IGDCC3: variants seen among roughly 807,000 people sequenced by gnomAD.
The protein encoded by IGDCC3 is putative neuronal cell adhesion molecule.
IGDCC3 carries 47 observed loss-of-function variants against 72.0 expected under a neutral mutation model. The observed-to-expected ratio is 0.65, with a 90% CI of 0.52 to 0.83. IGDCC3 has a LOEUF of 0.83. IGDCC3 is among the 40% of genes least tolerant of loss of function. The probability of loss-of-function intolerance (pLI) is 0.00; values close to 1 mark genes in which losing one functional copy is unlikely to be tolerated. For synonymous variants in IGDCC3, 477 were observed against 472.8 expected (o/e 1.01, Z -0.11); for missense variants, 1,038 against 1,091.3 (o/e 0.95, Z 0.69).
intron 2 of IGDCC3, among the ~76,000 whole-genome samples, chr15:65,374,325 A>G (rs914990767): frequency 1.3e-5 from 2 of 152,162 alleles, no homozygotes; most frequent in Admixed American, 6.5e-5. Context: ...GGATACATGG[A>G]GAATTTTGGT....
intron 2 of IGDCC3, among the ~76,000 whole-genome samples, chr15:65,368,049 C>T (rs1595765241): frequency 6.6e-6 from 1 of 152,138 alleles, no homozygotes; most frequent in Admixed American, 6.6e-5. Flanking sequence ...ACAAAGACAG[C>T]AGTGAGCTGT....
chr15:65,370,506 C>G (rs1567072850), intron 2 of IGDCC3, among the ~76,000 whole-genome samples: 1 of 33,096 alleles, frequency 3.0e-5, no homozygotes. Context: ...GACTTGGTCT[C>G]AAAAAAAAAA....
chr15:65,343,178 C>T (rs1326606084), intron 2 of IGDCC3, among the ~76,000 whole-genome samples: 1 of 152,142 alleles, frequency 6.6e-6, no homozygotes, highest in African/African-American at 2.4e-5. Context: ...TGGCAGAGAG[C>T]AAATACTTGC....
In IGDCC3 at chr15:65,377,859, G is replaced by T; in HGVS notation, c.-71C>A. On this transcript the variant is annotated 5_prime_UTR_variant, in exon 1 of 14. Coordinates refer to ENST00000327987, the MANE Select transcript of IGDCC3 (RefSeq NM_004884.4). The surrounding 1 kb of genome is among the most constrained non-coding windows in gnomAD (Gnocchi z 4.9). ...TCTCGCGGCTCACAGCGTCCCGCGGGGCCGGCGCCGGGGCCGGGGCTGGGG... is the reference window on the plus strand; with the variant it reads ...TCTCGCGGCTCACAGCGTCCCGCGGTGCCGGCGCCGGGGCCGGGGCTGGGG... The T allele has an allele frequency of 9.3e-7, 1 of 1,075,238 alleles. No individual in the cohort carries two copies. The highest frequency in any genetic ancestry group is 1.1e-6 in the Non-Finnish European group (1 of 889,382). The allele number at this position is 1,075,238 out of a possible 1,614,324, so 66.6% of individuals were successfully genotyped here.
At chr15:65,342,336 A>T (rs2091089296) in intron 2 of IGDCC3, among the ~76,000 whole-genome samples, 2 of 151,814 alleles carry the variant, frequency 1.3e-5, no homozygotes, top group Non-Finnish European at 2.9e-5. Context: ...GGGTGAGCCG[A>T]GATCACGCCA....
At chr15:65,343,190 A>C (rs1366333234) in intron 2 of IGDCC3, among the ~76,000 whole-genome samples, 1 of 152,204 alleles carries the variant, frequency 6.6e-6, no homozygotes, top group Non-Finnish European at 1.5e-5. Flanking sequence ...AATACTTGCT[A>C]TCTGTTCTTG....
rs1190304916 is a variant in IGDCC3 at position 65,335,387 on chromosome 15, T to C, written c.589A>G (p.Thr197Ala). 1 of 1,613,564 alleles carries C rather than the reference T, an allele frequency of 6.2e-7. No individual in the cohort carries two copies. Among genetic ancestry groups the C allele is most frequent in the Admixed American group, 1.7e-5 (1 of 59,964 alleles). Residue 197 changes from threonine to alanine, a missense_variant, in exon 4 of 14, where the codon ACA becomes GCA. By Grantham distance (58) the Thr-to-Ala change is moderately conservative. Coordinates refer to ENST00000327987, the MANE Select transcript of IGDCC3 (RefSeq NM_004884.4). ...TLLPKGVLQI[T>A]GLRAEDGGIF... Reference sequence around the variant, plus strand: ...CCACCGTCCTCAGCTCGAAGTCCTGTGATCTGCAGGACCCCCTTGGGCAGC... The same window carrying C: ...CCACCGTCCTCAGCTCGAAGTCCTGCGATCTGCAGGACCCCCTTGGGCAGC...
chr15:65,331,523 T>C lies in IGDCC3; in HGVS notation c.1285A>G (p.Asn429Asp), dbSNP rs142175528. The change falls in exon 8 of 14, where the codon AAT (asparagine) becomes GAT (aspartate). Residue 429 changes from asparagine to aspartate, a missense_variant. Coordinates refer to ENST00000327987, the MANE Select transcript of IGDCC3 (RefSeq NM_004884.4). ...GAAGACACAGAGACTGCCCGCACATTGCGGGGAGGCCCGGGGAGCCCCTCA... is the reference window on the plus strand; with the variant it reads ...GAAGACACAGAGACTGCCCGCACATCGCGGGGAGGCCCGGGGAGCCCCTCA... The part of the protein sequence containing the change: ...WAEGLPGPPR[N>D]VRAVSVSSTE... 14 of 1,613,728 alleles carry C rather than the reference T, an allele frequency of 8.7e-6. No homozygotes were observed. Among genetic ancestry groups the C allele is most frequent in the Admixed American group, 5.0e-5 (3 of 60,014 alleles).
intron 1 of IGDCC3, among the ~76,000 whole-genome samples, chr15:65,375,826 G>A (rs1340399981): frequency 6.6e-6 from 1 of 152,142 alleles, no homozygotes; most frequent in Admixed American, 6.5e-5. Flanking sequence ...GTGACCTTAG[G>A]TAAAGTATTC....
chr15:65,328,545 C>T lies in IGDCC3; in HGVS notation c.*364G>A, dbSNP rs538742285. 20 of 179,768 alleles carry T rather than the reference C, an allele frequency of 1.1e-4. No homozygotes were observed. The highest frequency in any genetic ancestry group is 2.1e-4 in the Non-Finnish European group (18 of 86,864). The allele number at this position is 179,768 out of a possible 1,614,324, so 11.1% of individuals were successfully genotyped here. A position where few individuals can be genotyped will look rare whatever the true frequency, so the allele number is the denominator to read the frequency against. ...TGTCAGGGCCCAGCTACAGCAGGGTCATCTTTTGGAGTCTAATTCACCTTC... is the reference window on the plus strand; with the variant it reads ...TGTCAGGGCCCAGCTACAGCAGGGTTATCTTTTGGAGTCTAATTCACCTTC... On this transcript the variant is annotated 3_prime_UTR_variant, in exon 14 of 14. Transcript: ENST00000327987.
intron 2 of IGDCC3, among the ~76,000 whole-genome samples, chr15:65,348,551 A>G (rs1280089547): frequency 2.0e-5 from 3 of 152,204 alleles, no homozygotes; most frequent in African/African-American, 7.2e-5. Flanking sequence ...GACTTTGGGT[A>G]AGTGATGCGG....
At chr15:65,369,756 C>G (rs1178669001) in intron 2 of IGDCC3, among the ~76,000 whole-genome samples, 1 of 152,058 alleles carries the variant, frequency 6.6e-6, no homozygotes, top group Non-Finnish European at 1.5e-5. Context: ...GGGTTACCAG[C>G]CACTGTGCCA....
At chr15:65,330,983 C>CAT in intron 9 of IGDCC3, 67 bp downstream of exon 9, 1 of 1,555,664 alleles carries the variant, frequency 6.4e-7, no homozygotes, top group Non-Finnish European at 8.8e-7. Flanking sequence ...AACAAGTGTG[C>CAT]ATGGTGGTTC....
chr15:65,329,221 G>C lies in IGDCC3; in HGVS notation c.2206-73C>G. On this transcript the variant is annotated intron_variant, in intron 13 of 13. Coordinates refer to ENST00000327987, the MANE Select transcript of IGDCC3 (RefSeq NM_004884.4). The surrounding 1 kb of genome is among the most constrained non-coding windows in gnomAD (Gnocchi z 4.1). ...CCAGGCTCCAACTCACCCCACTTGG[G>C]CCTTAGGGTCTCCAGGTCTCCCTGC... 6.5e-7 allele frequency: 1 copy of C among 1,534,044 alleles called. No homozygotes were observed. Among genetic ancestry groups the C allele is most frequent in the Non-Finnish European group, 8.7e-7 (1 of 1,144,988 alleles).
chr15:65,348,924 G>C (rs908342711), intron 2 of IGDCC3, among the ~76,000 whole-genome samples: 11 of 152,216 alleles, frequency 7.2e-5, no homozygotes, highest in Admixed American at 2.6e-4. Flanking sequence ...CTCAAGAGCT[G>C]ATAGGGTTGC....
intron 2 of IGDCC3, among the ~76,000 whole-genome samples, chr15:65,361,048 T>C (rs575574485): frequency 1.3e-5 from 2 of 152,224 alleles, no homozygotes; most frequent in Non-Finnish European, 2.9e-5. Flanking sequence ...AGTGCTGAGA[T>C]TACAGGCCAT....
At chr15:65,375,437 G>A in intron 1 of IGDCC3, 35 bp from the exon 2 acceptor site, 1 of 1,528,168 alleles carries the variant, frequency 6.5e-7, no homozygotes, top group Non-Finnish European at 8.9e-7. Context: ...AGGAAATAGG[G>A]GTGTTAGTAT....
At chr15:65,345,944 A>C (rs2091120994) in intron 2 of IGDCC3, among the ~76,000 whole-genome samples, 1 of 152,196 alleles carries the variant, frequency 6.6e-6, no homozygotes, top group Admixed American at 6.5e-5. Flanking sequence ...AGCTGTCCTC[A>C]GCGGGGAAAT....
rs1454959755 is a variant in IGDCC3 at position 65,339,383 on chromosome 15, T to G, written c.410-3427A>C. Among the ~76,000 whole-genome samples the G allele has an allele frequency of 1.3e-5, 2 of 152,168 alleles. No individual in the cohort carries two copies. The highest frequency in any genetic ancestry group is 4.8e-5 in the African/African-American group (2 of 41,424). ...GCGTGAGCTACTGTGCCTGGCCAAT[T>G]TTTGTATTTCTTATAGAGACAGGGT... On this transcript the variant is annotated intron_variant, in intron 2 of 13. Coordinates refer to ENST00000327987, the MANE Select transcript of IGDCC3 (RefSeq NM_004884.4). The surrounding 1 kb of genome is among the most constrained non-coding windows in gnomAD (Gnocchi z 4.1).
Sources: allele counts gnomAD v4.1 joint callset (sites outside exome capture counted in the v4.1 genomes callset), GRCh38; gene constraint gnomAD v4.1.1; non-coding constraint Gnocchi (gnomAD v3.1); transcripts MANE v1.5; gene names NCBI Gene and HGNC (gene_info 2026-07-23, HGNC 2026-07-21).